DVL3: variants seen among roughly 807,000 people sequenced by gnomAD.
The protein encoded by DVL3 is segment polarity protein dishevelled homolog DVL-3.
Under a neutral mutation model 67.4 loss-of-function variants are expected in DVL3, and 27 were observed. The ratio of observed to expected loss-of-function variants is 0.40; its 90% CI spans 0.30 to 0.55. DVL3 has a LOEUF of 0.55. Ranked by LOEUF, DVL3 falls within the 20% of genes least tolerant of loss-of-function variation. DVL3 has a pLI of 0.46. For missense variants in DVL3, 819 were observed against 1,021.5 expected, an observed-to-expected ratio of 0.80 and a Z score of 2.70; for synonymous variants, 369 against 396.8, an observed-to-expected ratio of 0.93 and a Z score of 0.83.
In DVL3 at chr3:184,163,826, A is replaced by G; in HGVS notation, c.231+100A>G. ...GTAGCTGGTGGTTTTAAGCTTCAGT[A>G]TCTGAATCTTTCTTTAGTTTTGCAA... On this transcript the variant is annotated intron_variant, in intron 2 of 14. Coordinates refer to ENST00000313143, the MANE Select transcript of DVL3 (RefSeq NM_004423.4). This position sits in a 1 kb window ranked among gnomAD's most constrained non-coding sequence, Gnocchi z 4.5. The G allele has an allele frequency of 9.6e-7, 1 of 1,040,422 alleles. No individual in the cohort carries two copies. 64.4% of individuals were successfully genotyped at this position (1,040,422 alleles called of 1,614,324 possible).
intron 1 of DVL3, among the ~76,000 whole-genome samples, chr3:184,161,396 C>T (rs1198285381): frequency 6.6e-6 from 1 of 152,004 alleles, no homozygotes. Context: ...CACTGGACTC[C>T]AGCCTGGGTG....
rs761481862 is a variant in DVL3 at position 184,167,021 on chromosome 3, TG to T, written c.1198+52del. The stretch of plus-strand genomic sequence containing the variant: ...CCTGGGCCCAGCAGACAGGGCCAGG[TG>T]GGGGGACTGATGAGGGTCCATGTGG... On this transcript the variant is annotated intron_variant, in intron 11 of 14. Coordinates refer to ENST00000313143, the MANE Select transcript of DVL3 (RefSeq NM_004423.4). The surrounding 1 kb of genome is among the most constrained non-coding windows in gnomAD (Gnocchi z 4.6). 29 of 1,601,372 alleles carry T rather than the reference TG, an allele frequency of 1.8e-5. No individual in the cohort carries two copies. Among genetic ancestry groups the T allele is most frequent in the South Asian group, 2.2e-5 (2 of 90,042 alleles).
intron 1 of DVL3, chr3:184,156,711 G>A: frequency 3.2e-6 from 1 of 308,006 alleles, no homozygotes; most frequent in South Asian, 2.6e-5. Context: ...GAAGAGGGGG[G>A]CCTGGCTGAT....
At position 184,166,227 on chromosome 3, in the gene DVL3, G is replaced by A; in HGVS notation, c.865G>A (p.Ala289Thr). 6.2e-7 allele frequency: 1 copy of A among 1,612,906 alleles called. No individual in the cohort carries two copies. The change falls in exon 8 of 15, where the codon GCT becomes ACT. Residue 289 changes from alanine (A) to threonine (T), a missense_variant. Ala to Thr is a moderately conservative substitution (Grantham distance 58). This residue lies in a region of DVL3 where 385 missense variants were observed against 486.8 expected (regional missense o/e 0.79). Transcript: ENST00000313143. The surrounding 1 kb of genome is among the most constrained non-coding windows in gnomAD (Gnocchi z 6.7). The stretch of plus-strand genomic sequence containing the variant: ...TATCATGAAGGGTGGGGCCGTGGCT[G>A]CTGATGGACGCATCGAGCCAGGAGA... ...GSIMKGGAVAADGRIEPGDML... is the reference protein window; with the variant it reads ...GSIMKGGAVATDGRIEPGDML...
intron 13 of DVL3, among the ~76,000 whole-genome samples, chr3:184,169,064 G>T (rs1714704622): frequency 6.6e-6 from 1 of 152,040 alleles, no homozygotes; most frequent in South Asian, 2.1e-4. Flanking sequence ...GTATAATCAG[G>T]GCCAAGTACC....
In DVL3 at chr3:184,164,281, G is replaced by C. The variant is rs1387389017; in HGVS notation, c.246G>C (p.Glu82Asp). The C allele has an allele frequency of 6.2e-7, 1 of 1,614,016 alleles. No homozygotes were observed. Among genetic ancestry groups the C allele is most frequent in the East Asian group, 2.2e-5 (1 of 44,862 alleles). The change falls in exon 3 of 15, where the codon GAG becomes GAC. Residue 82 changes from glutamate (E) to aspartate (D), a missense_variant. Physicochemically the swap from Glu to Asp is conservative, Grantham distance 45. Coordinates refer to ENST00000313143, the MANE Select transcript of DVL3 (RefSeq NM_004423.4). This position sits in a 1 kb window ranked among gnomAD's most constrained non-coding sequence, Gnocchi z 5.3. Reference protein sequence around the residue: ...GRVVSWLVSAEGSHPDPAPFC... With the variant: ...GRVVSWLVSADGSHPDPAPFC... ...CTCCCTTTCAGCTGGTGTCAGCTGA[G>C]GGCTCACACCCAGACCCAGCCCCCT...
At position 184,163,172 on chromosome 3, in the gene DVL3, G is replaced by T. The variant is rs1335720259; in HGVS notation, c.162-485G>T. ...CAAAGTTCTGGGATTACAGGTGTGAGCTATCACGCCTGGCCTCCCCTTCTC... is the reference window on the plus strand; with the variant it reads ...CAAAGTTCTGGGATTACAGGTGTGATCTATCACGCCTGGCCTCCCCTTCTC... On this transcript the variant is annotated intron_variant, in intron 1 of 14. Coordinates refer to ENST00000313143, the MANE Select transcript of DVL3 (RefSeq NM_004423.4). The surrounding 1 kb of genome is among the most constrained non-coding windows in gnomAD (Gnocchi z 4.5). 2.6e-5 allele frequency among the ~76,000 whole-genome samples: 4 copies of T among 152,052 alleles called. No homozygotes were observed. Among genetic ancestry groups the T allele is most frequent in the African/African-American group, 7.3e-5 (3 of 41,376 alleles).
At position 184,165,343 on chromosome 3, in the gene DVL3, G is replaced by T; in HGVS notation, c.694-79G>T. On this transcript the variant is annotated intron_variant, in intron 6 of 14. Coordinates refer to ENST00000313143, the MANE Select transcript of DVL3 (RefSeq NM_004423.4). This position sits in a 1 kb window ranked among gnomAD's most constrained non-coding sequence, Gnocchi z 4.1. ...CCTTGGGGCTGGGGGCTGCACCGGG[G>T]ACTCACCTTGAGGAGGAGTCAGGTG... 2 of 1,554,756 alleles carry T rather than the reference G, an allele frequency of 1.3e-6. No individual in the cohort carries two copies. The highest frequency in any genetic ancestry group is 1.8e-6 in the Non-Finnish European group (2 of 1,131,042).
chr3:184,167,736 C>T lies in DVL3; in HGVS notation c.1330+25C>T, dbSNP rs1714649001. The stretch of plus-strand genomic sequence containing the variant: ...GGTGAGAGAGCCCCATGGTGGGATG[C>T]AGGGTGGGTGGGGAGTGATGGGGCA... On this transcript the variant is annotated intron_variant, in intron 12 of 14. Coordinates refer to ENST00000313143, the MANE Select transcript of DVL3 (RefSeq NM_004423.4). This position sits in a 1 kb window ranked among gnomAD's most constrained non-coding sequence, Gnocchi z 4.6. The T allele has an allele frequency of 2.5e-6, 4 of 1,598,780 alleles. No homozygotes were observed. Among genetic ancestry groups the T allele is most frequent in the Non-Finnish European group, 3.4e-6 (4 of 1,171,948 alleles).
At chr3:184,156,654 A>G (rs73185712) in intron 1 of DVL3, 4,851 of 353,292 alleles carry the variant, frequency 0.014, 48 homozygotes, top group Non-Finnish European at 0.021. Flanking sequence ...TCCCTTTAAG[A>G]GGGGATGGAA....
At position 184,170,089 on chromosome 3, in the gene DVL3, G is replaced by A. The variant is rs1219204602; in HGVS notation, c.1582G>A (p.Gly528Arg). The change falls in exon 14 of 15, where the codon GGG becomes AGG. Residue 528 changes from glycine (G) to arginine (R), a missense_variant. Physicochemically the swap from Gly to Arg is moderately radical, Grantham distance 125. Transcript: ENST00000313143. This position sits in a 1 kb window ranked among gnomAD's most constrained non-coding sequence, Gnocchi z 6.5. ...QDTLAPLPHP[G>R]AAPWPMAFPY... ...CACACTGGCCCCTTTGCCGCACCCG[G>A]GGGCCGCCCCTTGGCCCATGGCTTT... is the stretch of plus-strand genomic sequence containing the variant. 3.1e-6 allele frequency: 5 copies of A among 1,613,872 alleles called. No homozygotes were observed. The highest frequency in any genetic ancestry group is 4.2e-6 in the Non-Finnish European group (5 of 1,179,972).
chr3:184,162,668 G>T (rs1028117867), intron 1 of DVL3, among the ~76,000 whole-genome samples: 8 of 147,566 alleles, frequency 5.4e-5, no homozygotes, highest in African/African-American at 1.8e-4. Context: ...CAAGTGATTC[G>T]CCTGCCTTAG....
rs1484102685 is a variant in DVL3, at chr3:184,171,668, C to A, written c.*913C>A. 2.2e-6 allele frequency: 2 copies of A among 907,960 alleles called. No individual in the cohort carries two copies. Among genetic ancestry groups the A allele is most frequent in the African/African-American group, 3.6e-5 (2 of 55,588 alleles). The allele number at this position is 907,960 out of a possible 1,614,324, so 56.2% of individuals were successfully genotyped here. A position where few individuals can be genotyped will look rare whatever the true frequency, so the allele number is the denominator to read the frequency against. On this transcript the variant is annotated 3_prime_UTR_variant, in exon 15 of 15. Coordinates refer to ENST00000313143, the MANE Select transcript of DVL3 (RefSeq NM_004423.4). ...CTGCTTCAGCAGCCCCTCAGGGCTT[C>A]CCAAGGATGTCCAGCCCCCACACCC...
rs1229097993 is a variant in DVL3, at chr3:184,170,927, T to C, written c.*172T>C. 6.5e-7 allele frequency: 1 copy of C among 1,538,408 alleles called. No homozygotes were observed. The highest frequency in any genetic ancestry group is 8.7e-7 in the Non-Finnish European group (1 of 1,144,024). The stretch of plus-strand genomic sequence containing the variant: ...TGCGAGGGTGGGGTGCACCTACCGA[T>C]TGGCTCTGCAGCCCCCTAACCTGCC... On this transcript the variant is annotated 3_prime_UTR_variant, in exon 15 of 15. Coordinates refer to ENST00000313143, the MANE Select transcript of DVL3 (RefSeq NM_004423.4). This position sits in a 1 kb window ranked among gnomAD's most constrained non-coding sequence, Gnocchi z 6.5.
At position 184,167,943 on chromosome 3, in the gene DVL3, C is replaced by G. The variant is rs774590984; in HGVS notation, c.1376C>G (p.Thr459Arg). ...CTGTACCACAATGTGGAAGGCTTCA[C>G]GGACCGGAGGGAGGCCCGCAAGTAT... ...DWLYHNVEGF[T>R]DRREARKYAS... Residue 459 changes from threonine (T) to arginine (R), a missense_variant, in exon 13 of 15, where the codon ACG becomes AGG. By Grantham distance (71) the Thr-to-Arg change is moderately conservative (BLOSUM62 -1). Coordinates refer to ENST00000313143, the MANE Select transcript of DVL3 (RefSeq NM_004423.4). This position sits in a 1 kb window ranked among gnomAD's most constrained non-coding sequence, Gnocchi z 4.6. The G allele has an allele frequency of 6.2e-7, 1 of 1,614,140 alleles. No individual in the cohort carries two copies. Among genetic ancestry groups the G allele is most frequent in the South Asian group, 1.1e-5 (1 of 91,094 alleles).
chr3:184,156,652 A>G, intron 1 of DVL3: 1 of 356,204 alleles, frequency 2.8e-6, no homozygotes, highest in Non-Finnish European at 5.5e-6. Flanking sequence ...TTTCCCTTTA[A>G]GAGGGGATGG....
chr3:184,155,865 G>C lies in DVL3; in HGVS notation c.161+69G>C. On this transcript the variant is annotated intron_variant, in intron 1 of 14. Transcript: ENST00000313143. The surrounding 1 kb of genome is among the most constrained non-coding windows in gnomAD (Gnocchi z 5.4). ...TGGCTTCTAAGGGATGACGCGGTCC[G>C]TTTCGACTTGCCTCGCTACACCGGC... The C allele has an allele frequency of 1.3e-6, 2 of 1,513,878 alleles. No individual in the cohort carries two copies. The highest frequency in any genetic ancestry group is 1.8e-6 in the Non-Finnish European group (2 of 1,125,488). The allele number at this position is 1,513,878 out of a possible 1,614,324, so 93.8% of individuals were successfully genotyped here.
chr3:184,162,557 TTTC>T (rs1242099535), intron 1 of DVL3, among the ~76,000 whole-genome samples: 10 of 125,808 alleles, frequency 7.9e-5, no homozygotes, highest in East Asian at 2.6e-4. Context: ...TTCTTTTTCT[TTTC>T]TTTTTTTTTT....
intron 13 of DVL3, 21 bp downstream of exon 13, chr3:184,168,086 C>T (rs776125701): frequency 1.2e-5 from 20 of 1,603,126 alleles, no homozygotes; most frequent in Middle Eastern, 1.7e-4. Flanking sequence ...CCCTCATCTT[C>T]TTGCCCTGTC....
Sources: gnomAD v4.1 joint callset for allele counts (sites outside exome capture counted in the v4.1 genomes callset) on GRCh38, gnomAD v4.1.1 for gene constraint, gnomAD v4.1.1 regional missense constraint, Gnocchi (gnomAD v3.1) non-coding constraint, MANE v1.5 for transcripts, NCBI Gene and HGNC (gene_info 2026-07-23, HGNC 2026-07-21) for gene names.